The following USH2A variants were observed in gnomAD, a reference collection of about 807,000 sequenced individuals.
USH2A encodes the protein Usher syndrome 2A (autosomal recessive, mild).
In USH2A, 443 loss-of-function variants were observed where a neutral mutation model predicts 538.9. The ratio of observed to expected loss-of-function variants is 0.82; its 90% CI spans 0.76 to 0.89. The LOEUF is 0.89. Ranked by LOEUF, USH2A falls within the 40% of genes least tolerant of loss-of-function variation. The pLI, the probability that USH2A is intolerant of heterozygous loss-of-function variation, is 0.00. For missense variants in USH2A, 6,633 were observed against 6,324.8 expected, an observed-to-expected ratio of 1.05 and a Z score of -1.65; for synonymous variants, 2,413 against 2,273.5, an observed-to-expected ratio of 1.06 and a Z score of -1.75.
intron 49 of USH2A, among the ~76,000 whole-genome samples, chr1:215,803,922 G>A (rs2102783838): frequency 6.6e-6 from 1 of 152,208 alleles, no homozygotes; most frequent in South Asian, 2.1e-4. Context: ...CATGGTACTG[G>A]TACCAAAACA....
chr1:215,758,120 C>A (rs1432689567), intron 58 of USH2A, among the ~76,000 whole-genome samples: 1 of 151,644 alleles, frequency 6.6e-6, no homozygotes, highest in African/African-American at 2.4e-5. Context: ...ACTGTCTCTA[C>A]TAAAAACAAT....
At position 216,245,918 on chromosome 1, in the gene USH2A, G is replaced by A. The variant is rs138585529; in HGVS notation, c.2809+667C>T. Among the ~76,000 whole-genome samples, 256 of 152,170 alleles carry A rather than the reference G, an allele frequency of 1.7e-3. 2 individuals carry two copies. Among genetic ancestry groups the A allele is most frequent in the Middle Eastern group, 3.4e-3 (1 of 294 alleles). ...ACAATTAGCACAGCTGTTAAACAAC[G>A]GATAAGTACTTATATTTATCATCAT... On this transcript the variant is annotated intron_variant, in intron 13 of 71. Coordinates refer to ENST00000307340, the MANE Select transcript of USH2A (RefSeq NM_206933.4).
At position 216,097,170 on chromosome 1, in the gene USH2A, A is replaced by T; in HGVS notation, c.4671T>A (p.Ile1557=). 6.2e-7 allele frequency: 1 copy of T among 1,614,164 alleles called. No homozygotes were observed. Among genetic ancestry groups the T allele is most frequent in the Non-Finnish European group, 8.5e-7 (1 of 1,180,008 alleles). Reference sequence around the variant, plus strand: ...GATTGCCAGGTGATGCTGCAAAGACAATCAAACCTTCAGGCACTTTTGTTC... The same window carrying T: ...GATTGCCAGGTGATGCTGCAAAGACTATCAAACCTTCAGGCACTTTTGTTC... ...SFRTKVPEGL[I]VFAASPGNQE... is the part of the protein sequence containing the mutation. Residue 1557 remains isoleucine, a synonymous_variant, in exon 22 of 72, where the codon ATT becomes ATA. Transcript: ENST00000307340.
chr1:215,718,735 G>C (rs1659565765), intron 61 of USH2A, among the ~76,000 whole-genome samples: 1 of 28,394 alleles, frequency 3.5e-5, no homozygotes, highest in Admixed American at 2.5e-4. Flanking sequence ...GGCTGTAATA[G>C]GGTACTTCGG....
intron 38 of USH2A, among the ~76,000 whole-genome samples, chr1:215,914,141 T>TAGA (rs1665889090): frequency 6.7e-6 from 1 of 150,074 alleles, no homozygotes; most frequent in Non-Finnish European, 1.5e-5. Context: ...TGGTGCAATT[T>TAGA]CTGCTCACTG....
At chr1:216,184,815 G>A (rs1558304017) in intron 20 of USH2A, among the ~76,000 whole-genome samples, 1 of 151,920 alleles carries the variant, frequency 6.6e-6, no homozygotes, top group African/African-American at 2.4e-5. Context: ...AACAATGTGT[G>A]TTTTCAACCC....
intron 3 of USH2A, among the ~76,000 whole-genome samples, chr1:216,391,524 G>C (rs549874528): frequency 6.6e-6 from 1 of 152,288 alleles, no homozygotes; most frequent in East Asian, 1.9e-4. Flanking sequence ...AAGAGTTTCT[G>C]TTGCATTGCG....
chr1:215,649,018 G>A (rs1656956169), intron 65 of USH2A, among the ~76,000 whole-genome samples: 1 of 152,088 alleles, frequency 6.6e-6, no homozygotes, highest in Non-Finnish European at 1.5e-5. Context: ...AAATCACAAG[G>A]CATAATATTA....
intron 44 of USH2A, among the ~76,000 whole-genome samples, chr1:215,851,876 G>C (rs776039795): frequency 6.6e-6 from 1 of 151,734 alleles, no homozygotes; most frequent in Non-Finnish European, 1.5e-5. Context: ...ATGCAGGGAT[G>C]GTTTAACATA....
intron 49 of USH2A, among the ~76,000 whole-genome samples, chr1:215,800,555 C>G (rs1375114667): frequency 6.6e-6 from 1 of 152,084 alleles, no homozygotes; most frequent in Non-Finnish European, 1.5e-5. Flanking sequence ...ATTTATAGTC[C>G]TGGACTTCTT....
At position 215,807,199 on chromosome 1, in the gene USH2A, C is replaced by A. The variant is rs537511475; in HGVS notation, c.9739+6537G>T. Among the ~76,000 whole-genome samples, 3 of 152,186 alleles carry A rather than the reference C, an allele frequency of 2.0e-5. No homozygotes were observed. In the South Asian group the frequency reaches 6.2e-4, roughly 32 times the overall value. Reference sequence around the variant, plus strand: ...AGCAGCCTCTGCAAGGTGGAAAAGGCAAGAAAATGGATTCTCTCCTCCAGA... The same window carrying A: ...AGCAGCCTCTGCAAGGTGGAAAAGGAAAGAAAATGGATTCTCTCCTCCAGA... On this transcript the variant is annotated intron_variant, in intron 49 of 71. Transcript: ENST00000307340.
At chr1:215,735,455 T>A (rs1012147910) in intron 60 of USH2A, among the ~76,000 whole-genome samples, 2 of 152,218 alleles carry the variant, frequency 1.3e-5, no homozygotes, top group African/African-American at 4.8e-5. Context: ...CAGAAAGTGA[T>A]GGTGATATTC....
intron 30 of USH2A, among the ~76,000 whole-genome samples, chr1:216,066,297 T>C (rs1206369478): frequency 6.6e-6 from 1 of 151,902 alleles, no homozygotes; most frequent in Non-Finnish European, 1.5e-5. Context: ...GGTGAAACCC[T>C]GTCTCCACTA....
chr1:216,122,033 C>A (rs143486585), intron 21 of USH2A, among the ~76,000 whole-genome samples: 1 of 152,116 alleles, frequency 6.6e-6, no homozygotes, highest in East Asian at 1.9e-4. Context: ...ACAAAAAGGA[C>A]CGCAAACACA....
intron 13 of USH2A, among the ~76,000 whole-genome samples, chr1:216,236,934 T>C (rs1194394269): frequency 7.9e-5 from 12 of 152,186 alleles, no homozygotes; most frequent in South Asian, 2.1e-4. Context: ...ACATATTCTC[T>C]AAGAATCAAA....
intron 61 of USH2A, among the ~76,000 whole-genome samples, chr1:215,696,770 G>A (rs1658824306): frequency 1.3e-5 from 2 of 152,148 alleles, no homozygotes; most frequent in African/African-American, 2.4e-5. Flanking sequence ...GGGAGGCCAA[G>A]GTGGGAGGAT....
At chr1:215,879,342 G>T (rs1465824294) in intron 41 of USH2A, among the ~76,000 whole-genome samples, 1 of 152,206 alleles carries the variant, frequency 6.6e-6, no homozygotes, top group East Asian at 1.9e-4. Flanking sequence ...ACGACTGTCA[G>T]ACTGATACAC....
chr1:215,725,828 C>A (rs1659800702), intron 61 of USH2A, among the ~76,000 whole-genome samples: 1 of 152,120 alleles, frequency 6.6e-6, no homozygotes, highest in African/African-American at 2.4e-5. Flanking sequence ...CATACACTTG[C>A]CTCTTTTCAG....
chr1:216,295,168 A>C (rs2037079343), intron 9 of USH2A, among the ~76,000 whole-genome samples: 1 of 151,896 alleles, frequency 6.6e-6, no homozygotes, highest in Admixed American at 6.5e-5. Context: ...ATTTTGAAGA[A>C]GAAATTGCTA....
Sources: allele counts gnomAD v4.1 joint callset (sites outside exome capture counted in the v4.1 genomes callset), GRCh38; gene constraint gnomAD v4.1.1; transcripts MANE v1.5; gene names NCBI Gene and HGNC (gene_info 2026-07-23, HGNC 2026-07-21).